LYN: variants seen among roughly 807,000 people sequenced by gnomAD.
LYN encodes the protein tyrosine-protein kinase Lyn.
Under a neutral mutation model 65.0 loss-of-function variants are expected in LYN, and 12 were observed. The observed-to-expected ratio is 0.18, with a 90% CI of 0.12 to 0.30. The LOEUF (loss-of-function observed/expected upper bound fraction) is 0.30. Ranked by LOEUF, LYN falls within the 10% of genes least tolerant of loss-of-function variation. The pLI, the probability that LYN is intolerant of heterozygous loss-of-function variation, is 1.00. For synonymous variants in LYN, 222 were observed against 221.2 expected (o/e 1.00, Z -0.03); for missense variants, 380 against 623.2 (o/e 0.61, Z 4.16).
rs1344515094 is a variant in LYN, at chr8:55,879,988, T to A, written c.-121T>A. ...GCAGCCCCTCGCCGCGCGTCCAGCG[T>A]TCCCGGCCAGCAGCCTCCCCATACG... On this transcript the variant is annotated 5_prime_UTR_variant, in exon 1 of 13. Transcript: ENST00000519728. 1 of 279,758 alleles carries A rather than the reference T, an allele frequency of 3.6e-6. No individual in the cohort carries two copies. The highest frequency in any genetic ancestry group is 7.4e-6 in the Non-Finnish European group (1 of 135,302). 17.3% of individuals were successfully genotyped at this position (279,758 alleles called of 1,614,324 possible).
chr8:55,912,594 G>A (rs1025115490), intron 1 of LYN, among the ~76,000 whole-genome samples: 4 of 152,166 alleles, frequency 2.6e-5, no homozygotes, highest in South Asian at 2.1e-4. Context: ...GGGCATCGTG[G>A]CACATGCCTG....
chr8:56,003,652 C>T (rs1304379448), intron 12 of LYN, among the ~76,000 whole-genome samples: 1 of 149,714 alleles, frequency 6.7e-6, no homozygotes, highest in Non-Finnish European at 1.5e-5. Context: ...CCAGCCTGAG[C>T]TACAAAGCGA....
intron 1 of LYN, among the ~76,000 whole-genome samples, chr8:55,880,731 G>A (rs1804630605): frequency 6.6e-6 from 1 of 152,230 alleles, no homozygotes; most frequent in Non-Finnish European, 1.5e-5. Flanking sequence ...GCCTGCCGAG[G>A]AGCAGTCCGG....
At chr8:55,928,256 A>T (rs983509178) in intron 1 of LYN, among the ~76,000 whole-genome samples, 5 of 152,118 alleles carry the variant, frequency 3.3e-5, no homozygotes, top group African/African-American at 9.7e-5. Context: ...AGTGATTCTC[A>T]TGCTTCACCC....
rs369625638 is a variant in LYN at position 55,935,647 on chromosome 8, G to A, written c.-5-6208G>A. 8.4e-4 allele frequency among the ~76,000 whole-genome samples: 128 copies of A among 152,116 alleles called. 1 individual carries two copies. The highest frequency in any genetic ancestry group is 2.9e-3 in the African/African-American group (122 of 41,502). On this transcript the variant is annotated intron_variant, in intron 1 of 12. Transcript: ENST00000519728. ...AAATTAGCCATGCTTGGTGGCGGAC[G>A]CCTGTAGTCCCCACTACTTGCTACT... is the stretch of plus-strand genomic sequence containing the variant.
At chr8:55,889,935 A>C (rs1804904370) in intron 1 of LYN, among the ~76,000 whole-genome samples, 1 of 152,050 alleles carries the variant, frequency 6.6e-6, no homozygotes, top group African/African-American at 2.4e-5. Flanking sequence ...CAAACTAGCC[A>C]CAAGTGAAGC....
chr8:55,917,678 A>G (rs1164495311), intron 1 of LYN, among the ~76,000 whole-genome samples: 2 of 152,224 alleles, frequency 1.3e-5, no homozygotes, highest in Non-Finnish European at 2.9e-5. Context: ...CCTTTTAGGC[A>G]CTTACTCTTC....
chr8:55,903,198 G>A (rs377101074), intron 1 of LYN, among the ~76,000 whole-genome samples: 22 of 152,040 alleles, frequency 1.4e-4, no homozygotes, highest in Admixed American at 2.0e-4. Flanking sequence ...TCACCATGTT[G>A]GCCAGGCTGG....
In LYN at chr8:55,963,480, A is replaced by T. The variant is rs543458216; in HGVS notation, c.791-3235A>T. Among the ~76,000 whole-genome samples the T allele has an allele frequency of 5.3e-5, 8 of 152,328 alleles. No individual in the cohort carries two copies. In the South Asian group the frequency reaches 1.7e-3, roughly 32 times the overall value. ...ATGGACACCTTGGATGTTGTCACAG[A>T]AGCTCTGCAATTGAATTTCAGTGAT... On this transcript the variant is annotated intron_variant, in intron 8 of 12. Coordinates refer to ENST00000519728, the MANE Select transcript of LYN (RefSeq NM_002350.4).
At chr8:55,895,985 G>T (rs2130371659) in intron 1 of LYN, among the ~76,000 whole-genome samples, 1 of 152,126 alleles carries the variant, frequency 6.6e-6, no homozygotes, top group Non-Finnish European at 1.5e-5. Flanking sequence ...GTGGAAATTT[G>T]GTGTACATAC....
At chr8:56,009,815 T>C in intron 12 of LYN, 93 bp from the exon 13 acceptor site, 2 of 942,900 alleles carry the variant, frequency 2.1e-6, no homozygotes, top group South Asian at 1.5e-5. Context: ...GGTTACAGGA[T>C]GTGAGGAGCA....
intron 10 of LYN, among the ~76,000 whole-genome samples, chr8:55,991,791 G>A (rs780130542): frequency 5.7e-4 from 87 of 152,112 alleles, no homozygotes; most frequent in Non-Finnish European, 1.0e-3. Context: ...TCAGTAAACC[G>A]CTTTTTAAAA....
rs1808825115 is a variant in LYN at position 56,011,813 on chromosome 8, T to G, written c.*1703T>G. On this transcript the variant is annotated 3_prime_UTR_variant, in exon 13 of 13. Coordinates refer to ENST00000519728, the MANE Select transcript of LYN (RefSeq NM_002350.4). ...ACTATAGAATATTACTGTTACATAA[T>G]GTCTGCACAGCTGGTCCCTTGATTC... The G allele has an allele frequency of 5.5e-6, 1 of 182,250 alleles. No homozygotes were observed. The highest frequency in any genetic ancestry group is 1.2e-5 in the Non-Finnish European group (1 of 85,574). 11.3% of individuals were successfully genotyped at this position (182,250 alleles called of 1,614,324 possible).
chr8:55,979,883 G>A (rs998961387), intron 10 of LYN, among the ~76,000 whole-genome samples: 1 of 152,216 alleles, frequency 6.6e-6, no homozygotes, highest in Admixed American at 6.5e-5. Context: ...CCCTGGTGCG[G>A]AAGACCCCAC....
chr8:55,975,470 A>G (rs1263708641), intron 10 of LYN, among the ~76,000 whole-genome samples: 1 of 152,188 alleles, frequency 6.6e-6, no homozygotes, highest in Non-Finnish European at 1.5e-5. Context: ...TATTTAGACT[A>G]TCTATGTGAA....
chr8:56,007,884 C>T (rs2668010), intron 12 of LYN, among the ~76,000 whole-genome samples: 45,011 of 151,854 alleles, frequency 0.3, 7,650 homozygotes, highest in African/African-American at 0.46. Context: ...TTTGGGAGGC[C>T]GAGACAGGCA....
At chr8:55,997,856 G>A (rs549104544) in intron 10 of LYN, among the ~76,000 whole-genome samples, 51 of 152,278 alleles carry the variant, frequency 3.3e-4, no homozygotes, top group Admixed American at 2.7e-3. Flanking sequence ...AGGCCAAGGC[G>A]GGCGGATCAC....
At chr8:55,993,841 C>T (rs748404815) in intron 10 of LYN, among the ~76,000 whole-genome samples, 1 of 152,218 alleles carries the variant, frequency 6.6e-6, no homozygotes, top group Non-Finnish European at 1.5e-5. Context: ...ACATCCTCTT[C>T]TCATCAAGCT....
chr8:55,999,625 TAATAATTACTTCATCTACCCGATAGC>T (rs1386203213), intron 12 of LYN, 76 bp downstream of exon 12: 2 of 1,367,170 alleles, frequency 1.5e-6, no homozygotes, highest in Non-Finnish European at 2.1e-6. Flanking sequence ...CATTAAAAAG[TAATAATTACTTCATCTACCCGATAGC>T]AAAGAATAAG....
Sources: allele counts gnomAD v4.1 joint callset (sites outside exome capture counted in the v4.1 genomes callset), GRCh38; gene constraint gnomAD v4.1.1; transcripts MANE v1.5; gene names NCBI Gene and HGNC (gene_info 2026-07-23, HGNC 2026-07-21).